The following PAX6 variants were observed in gnomAD, a reference collection of about 807,000 sequenced individuals.
PAX6 encodes paired box protein Pax-6.
A neutral mutation model predicts 60.7 loss-of-function variants in PAX6; 7 were observed. The ratio of observed to expected loss-of-function variants is 0.12; its 90% CI spans 0.07 to 0.22. The LOEUF (loss-of-function observed/expected upper bound fraction) is 0.22, where lower values mean the gene tolerates loss of function less well. Among genes scored for constraint, PAX6 ranks in the 10% least tolerant of loss-of-function variants. PAX6 has a pLI of 1.00. For missense variants in PAX6, 355 were observed against 555.2 expected (o/e 0.64, Z 3.62); for synonymous variants, 208 against 201.2 (o/e 1.03, Z -0.29).
chr11:31,802,368 T>C (rs1954286690), intron 5 of PAX6: 2 of 340,346 alleles, frequency 5.9e-6, no homozygotes, highest in Admixed American at 4.6e-5. Context: ...TGCCGGTTTA[T>C]ATAACTCAGC....
chr11:31,814,699 T>A (rs1008954973), upstream of PAX6: 1 of 152,386 alleles, frequency 6.6e-6, no homozygotes, highest in African/African-American at 2.4e-5. Flanking sequence ...AAGGCTCCCA[T>A]CCCGGCCGCC....
chr11:31,801,594 G>A lies in PAX6; in HGVS notation c.366C>T (p.Ser122=), dbSNP rs756791622. Residue 122 remains serine (S), a synonymous_variant, in exon 7 of 14, where the codon TCC becomes TCT. Coordinates refer to ENST00000640368, the MANE Select transcript of PAX6 (RefSeq NM_001368894.2). ...FAWEIRDRLL[S]EGVCTNDNIP... The stretch of plus-strand genomic sequence containing the variant: ...TGTTATCGTTGGTACAGACCCCCTC[G>A]GACAGTAATCTGTCTCGGATTTCCC... 1.2e-6 allele frequency: 2 copies of A among 1,614,010 alleles called. No homozygotes were observed. The highest frequency in any genetic ancestry group is 1.7e-5 in the Admixed American group (1 of 59,992).
rs1476855543 is a variant in PAX6 at position 31,811,258 on chromosome 11, C to A, written c.-460G>T. 2 of 399,032 alleles carry A rather than the reference C, an allele frequency of 5.0e-6. No individual in the cohort carries two copies. Among genetic ancestry groups the A allele is most frequent in the Non-Finnish European group, 8.8e-6 (2 of 226,148 alleles). 24.7% of individuals were successfully genotyped at this position (399,032 alleles called of 1,614,324 possible). A position where few individuals can be genotyped will look rare whatever the true frequency, so the allele number is the denominator to read the frequency against. ...AAAACACTTCCTCCTGCGCCTGAAC[C>A]AGAGCGGGAAATGAGGCCGAGCCAC... On this transcript the variant is annotated 5_prime_UTR_variant, in exon 1 of 14. Coordinates refer to ENST00000640368, the MANE Select transcript of PAX6 (RefSeq NM_001368894.2).
upstream of PAX6, among the ~76,000 whole-genome samples, chr11:31,815,256 C>T (rs1317886214): frequency 1.3e-5 from 2 of 152,094 alleles, no homozygotes; most frequent in African/African-American, 4.8e-5. Flanking sequence ...AATAGGGTTC[C>T]TAGAAAAGTT....
rs1955836894 is a variant in PAX6 at position 31,806,464 on chromosome 11, T to C, written c.-51-2A>G. ...TCCACGGGGCTCGAATATGGGGCTC[T>C]GTTAGCAAGAAAATAGGAGTTAATC... is the stretch of plus-strand genomic sequence containing the variant. On this transcript the variant is annotated splice_acceptor_variant, in intron 3 of 13. Transcript: ENST00000640368. LOFTEE classifies it low-confidence loss of function (5UTR_SPLICE). 1 of 1,594,118 alleles carries C rather than the reference T, an allele frequency of 6.3e-7. No individual in the cohort carries two copies. The highest frequency in any genetic ancestry group is 1.3e-5 in the African/African-American group (1 of 74,520).
chr11:31,803,049 C>T (rs1308197306), intron 4 of PAX6: 2 of 610,714 alleles, frequency 3.3e-6, no homozygotes, highest in South Asian at 1.9e-5. Flanking sequence ...CAGTTCCCTG[C>T]TATCGATCAA....
At chr11:31,797,917 G>A (rs1229359818) in intron 8 of PAX6, among the ~76,000 whole-genome samples, 7 of 151,950 alleles carry the variant, frequency 4.6e-5, no homozygotes, top group Admixed American at 2.0e-4. Context: ...GAGTGAAAGC[G>A]CCTCCCATTA....
chr11:31,790,987 T>A, intron 12 of PAX6, 127 bp from the exon 13 acceptor site: 1 of 970,400 alleles, frequency 1.0e-6, no homozygotes, highest in Non-Finnish European at 1.6e-6. Context: ...CGTGAAGTAC[T>A]GGAATTCCAT....
chr11:31,802,281 T>C (rs1320728743), intron 5 of PAX6: 2 of 322,746 alleles, frequency 6.2e-6, no homozygotes, highest in Non-Finnish European at 1.1e-5. Flanking sequence ...CAATATATAT[T>C]ATTCATAAAC....
At chr11:31,813,015 C>G (rs1957193272), upstream of PAX6, 1 of 152,146 alleles carries the variant, frequency 6.6e-6, no homozygotes, top group South Asian at 2.1e-4. Context: ...GGAGCCCGGG[C>G]AGGGCTCCCG....
chr11:31,798,289 T>A (rs1339672361), intron 8 of PAX6, among the ~76,000 whole-genome samples: 2 of 152,168 alleles, frequency 1.3e-5, no homozygotes. Flanking sequence ...TGGGGCTGGA[T>A]AGAGTTGTCT....
In PAX6 at chr11:31,789,518, A is replaced by G; in HGVS notation, c.*416T>C. ...ATGAACAGATGGGTAGAAGTATTCG[A>G]TATATCTTGATAAAACTCTTAAATT... On this transcript the variant is annotated 3_prime_UTR_variant, in exon 14 of 14. Coordinates refer to ENST00000640368, the MANE Select transcript of PAX6 (RefSeq NM_001368894.2). 1.7e-6 allele frequency: 1 copy of G among 595,316 alleles called. No homozygotes were observed. 36.9% of individuals were successfully genotyped at this position (595,316 alleles called of 1,614,324 possible).
At chr11:31,806,584 C>T (rs1955865772) in intron 3 of PAX6, 122 bp from the exon 4 acceptor site, 1 of 773,174 alleles carries the variant, frequency 1.3e-6, no homozygotes, top group Non-Finnish European at 2.2e-6. Flanking sequence ...TTGATCCACT[C>T]AACCTCTTGG....
chr11:31,794,991 GAT>G (rs1951071159), intron 8 of PAX6, among the ~76,000 whole-genome samples: 1 of 152,270 alleles, frequency 6.6e-6, no homozygotes, highest in Non-Finnish European at 1.5e-5. Context: ...TTTTTATCAA[GAT>G]GAGACTTTAT....
intron 8 of PAX6, among the ~76,000 whole-genome samples, chr11:31,797,710 T>C (rs1181576940): frequency 6.6e-6 from 1 of 152,108 alleles, no homozygotes; most frequent in Admixed American, 6.5e-5. Context: ...TCCCCCCACT[T>C]TAGTGGATTT....
chr11:31,811,629 C>T (rs902979626), upstream of PAX6: 11 of 165,264 alleles, frequency 6.7e-5, no homozygotes, highest in Non-Finnish European at 9.1e-5. Flanking sequence ...GGGTCGCGCC[C>T]CCACTCCCCC....
intron 4 of PAX6, 32 bp downstream of exon 4, chr11:31,806,370 C>A (rs773047122): frequency 1.9e-6 from 3 of 1,602,202 alleles, no homozygotes; most frequent in Non-Finnish European, 8.5e-7. Context: ...GCACCCCGAG[C>A]CCGAAGTCCC....
Position 31,793,469 on chromosome 11 carries a change from C to G in PAX6, c.1043G>C (p.Ser348Thr), listed in dbSNP as rs749992296. 5.0e-6 allele frequency: 8 copies of G among 1,614,104 alleles called. No individual in the cohort carries two copies. In the Admixed American group the frequency reaches 1.0e-4, roughly 20 times the overall value. The change falls in exon 12 of 14, where the codon AGC (serine) becomes ACC (threonine). Residue 348 changes from serine to threonine, a missense_variant. This residue lies in a region of PAX6 where 149 missense variants were observed against 191.9 expected (regional missense o/e 0.78). Transcript: ENST00000640368. Reference protein sequence around the residue: ...NTYSALPPMPSFTMANNLPMQ... With the variant: ...NTYSALPPMPTFTMANNLPMQ... ...AGGCAGGTTATTTGCCATGGTGAAGCTGGGCATAGGCGGCAGAGCGCTGTA... is the reference window on the plus strand; with the variant it reads ...AGGCAGGTTATTTGCCATGGTGAAGGTGGGCATAGGCGGCAGAGCGCTGTA...
rs1330281129 is a variant in PAX6 at position 31,799,359 on chromosome 11, G to A, written c.565+1332C>T. 6.6e-5 allele frequency among the ~76,000 whole-genome samples: 10 copies of A among 152,062 alleles called. 1 individual carries two copies. The highest frequency in any genetic ancestry group is 6.5e-4 in the Admixed American group (10 of 15,272). On this transcript the variant is annotated intron_variant, in intron 8 of 13. Transcript: ENST00000640368. ...CCTCCGCCGGCCGAGCGGCCGCGCT[G>A]GGAAACAAGAAGCGAGCGCTTTGCT...
Sources: gnomAD v4.1 joint callset for allele counts (sites outside exome capture counted in the v4.1 genomes callset) on GRCh38, gnomAD v4.1.1 for gene constraint, gnomAD v4.1.1 regional missense constraint, MANE v1.5 for transcripts, NCBI Gene and HGNC (gene_info 2026-07-23, HGNC 2026-07-21) for gene names.